MPZL2: variants seen among roughly 807,000 people sequenced by gnomAD.
The protein encoded by MPZL2 is myelin protein zero-like protein 2.
MPZL2 carries 32 observed loss-of-function variants against 24.5 expected under a neutral mutation model. The observed-to-expected ratio is 1.31, with a 90% CI of 0.99 to 1.76. The LOEUF is 1.76. Among genes scored for constraint, MPZL2 ranks in the 40% most tolerant of loss-of-function variants. MPZL2 has a pLI of 0.00. For synonymous variants in MPZL2, 92 were observed against 97.9 expected (o/e 0.94, Z 0.36); for missense variants, 304 against 274.9 (o/e 1.11, Z -0.75).
rs1949648829 is a variant in MPZL2, at chr11:118,254,257, TAGTTCTCAG to T, written c.*980_*988del. ...AAGAAAAAAAGTTAATAATTTCTTC[TAGTTCTCAG>T]AGTTTTATATAAAACTGTACAAAAT... On this transcript the variant is annotated 3_prime_UTR_variant, in exon 6 of 6. Transcript: ENST00000278937. 6.6e-6 allele frequency: 1 copy of T among 152,224 alleles called. No homozygotes were observed. 9.4% of individuals were successfully genotyped at this position (152,224 alleles called of 1,614,324 possible). A position where few individuals can be genotyped will look rare whatever the true frequency, so the allele number is the denominator to read the frequency against.
At chr11:118,257,351 C>T in intron 4 of MPZL2, 38 bp from the exon 5 acceptor site, 2 of 1,549,164 alleles carry the variant, frequency 1.3e-6, no homozygotes, top group East Asian at 2.3e-5. Flanking sequence ...GTGAACAAGA[C>T]AAGAAGCAAG....
intron 4 of MPZL2, 50 bp from the exon 5 acceptor site, chr11:118,257,363 G>T: frequency 6.8e-7 from 1 of 1,463,308 alleles, no homozygotes; most frequent in South Asian, 1.2e-5. Flanking sequence ...AGAAGCAAGT[G>T]GGTAAATCCC....
chr11:118,263,014 T>G lies in MPZL2; in HGVS notation c.142A>C (p.Thr48Pro), dbSNP rs1195202588. ...VNGTDARLKC[T>P]FSSFAPVGDA... The stretch of plus-strand genomic sequence containing the variant: ...CCCACAGGGGCAAAGCTGGAGAAAG[T>G]GCATTTTAACCGAGCATCTGTCCCA... Residue 48 changes from threonine to proline, a missense_variant, in exon 2 of 6, where the codon ACT becomes CCT. By Grantham distance (38) the Thr-to-Pro change is conservative. Transcript: ENST00000278937. The G allele has an allele frequency of 2.5e-6, 4 of 1,614,192 alleles. No individual in the cohort carries two copies. The highest frequency in any genetic ancestry group is 3.4e-6 in the Non-Finnish European group (4 of 1,180,012).
At position 118,254,710 on chromosome 11, in the gene MPZL2, G is replaced by C. The variant is rs910418426; in HGVS notation, c.*536C>G. The C allele has an allele frequency of 1.3e-5, 2 of 152,178 alleles. No individual in the cohort carries two copies. Among genetic ancestry groups the C allele is most frequent in the Non-Finnish European group, 2.9e-5 (2 of 68,028 alleles). The allele number at this position is 152,178 out of a possible 1,614,324, so 9.4% of individuals were successfully genotyped here. On this transcript the variant is annotated 3_prime_UTR_variant, in exon 6 of 6. Coordinates refer to ENST00000278937, the MANE Select transcript of MPZL2 (RefSeq NM_005797.4). ...AAACAAGATGTGTCTCATAGTTAAG[G>C]AGAGACATAAAAATAAAAATGTCAT... is the stretch of plus-strand genomic sequence containing the variant.
At chr11:118,258,827 C>A (rs1949679191) in intron 4 of MPZL2, among the ~76,000 whole-genome samples, 1 of 152,108 alleles carries the variant, frequency 6.6e-6, no homozygotes, top group Non-Finnish European at 1.5e-5. Context: ...TGCAAAATTC[C>A]TGCTCCCATT....
chr11:118,261,779 A>C (rs1455257432), intron 3 of MPZL2, among the ~76,000 whole-genome samples: 1 of 152,234 alleles, frequency 6.6e-6, no homozygotes, highest in African/African-American at 2.4e-5. Context: ...AATTTAGAGC[A>C]CAGTTTTAGA....
At chr11:118,258,505 G>T (rs553767754) in intron 4 of MPZL2, among the ~76,000 whole-genome samples, 1 of 152,178 alleles carries the variant, frequency 6.6e-6, no homozygotes, top group African/African-American at 2.4e-5. Context: ...TATACAAATG[G>T]ACAATAAGAA....
intron 3 of MPZL2, among the ~76,000 whole-genome samples, chr11:118,262,070 C>T (rs182856240): frequency 4.1e-4 from 63 of 152,304 alleles, no homozygotes; most frequent in African/African-American, 1.5e-3. Context: ...GCACTTTTGA[C>T]GGTGCCTAGC....
intron 4 of MPZL2, 196 bp downstream of exon 4, chr11:118,259,858 A>C (rs1949687360): frequency 7.1e-6 from 4 of 566,294 alleles, no homozygotes; most frequent in Non-Finnish European, 1.2e-5. Context: ...CCCATAAGGA[A>C]ATATTTTGTA....
chr11:118,253,910 C>T lies in MPZL2; in HGVS notation c.*1336G>A, dbSNP rs969921151. The stretch of plus-strand genomic sequence containing the variant: ...ATATCAAGGTCTATACATTTAAATA[C>T]AGATAATCTGTTTGAAAATTCCAGT... On this transcript the variant is annotated 3_prime_UTR_variant, in exon 6 of 6. Coordinates refer to ENST00000278937, the MANE Select transcript of MPZL2 (RefSeq NM_005797.4). 2 of 152,428 alleles carry T rather than the reference C, an allele frequency of 1.3e-5. No homozygotes were observed. Among genetic ancestry groups the T allele is most frequent in the African/African-American group, 2.4e-5 (1 of 41,388 alleles). 9.4% of individuals were successfully genotyped at this position (152,428 alleles called of 1,614,324 possible). A position where few individuals can be genotyped will look rare whatever the true frequency, so the allele number is the denominator to read the frequency against.
intron 1 of MPZL2, 101 bp from the exon 2 acceptor site, chr11:118,263,198 T>C (rs1949715973): frequency 7.9e-7 from 1 of 1,271,080 alleles, no homozygotes; most frequent in Non-Finnish European, 1.1e-6. Flanking sequence ...GGACTTAAAG[T>C]AAAGTGAAAC....
In MPZL2 at chr11:118,262,548, AG is replaced by A; in HGVS notation, c.325del (p.Leu109PhefsTer17). 1 of 1,614,220 alleles carries A rather than the reference AG, an allele frequency of 6.2e-7. No homozygotes were observed. Among genetic ancestry groups the A allele is most frequent in the Non-Finnish European group, 8.5e-7 (1 of 1,180,036 alleles). On this transcript the variant is annotated frameshift_variant, in exon 3 of 6. Coordinates refer to ENST00000278937, the MANE Select transcript of MPZL2 (RefSeq NM_005797.4). LOFTEE classifies it high-confidence loss of function. ...GNPERYDASI[L>X]LWKLQFDDNG... ...GTCGTCGAACTGCAGTTTCCAGAGA[AG>A]GATGGAGGCATCGTACCGCTCAGGA...
intron 5 of MPZL2, 166 bp downstream of exon 5, chr11:118,257,072 T>C (rs1949665238): frequency 9.0e-6 from 4 of 445,958 alleles, no homozygotes; most frequent in Non-Finnish European, 1.6e-5. Context: ...AAGGAGGAGC[T>C]ATCCATAAGA....
At chr11:118,255,671 C>CT (rs58532232) in intron 5 of MPZL2, among the ~76,000 whole-genome samples, 85,862 of 151,300 alleles carry the variant, frequency 0.57, 24,806 homozygotes, top group South Asian at 0.74. Context: ...GTTTTATTTG[C>CT]TTTTTTCCTA....
At chr11:118,256,376 C>T (rs551207557) in intron 5 of MPZL2, among the ~76,000 whole-genome samples, 3 of 152,088 alleles carry the variant, frequency 2.0e-5, no homozygotes, top group Non-Finnish European at 2.9e-5. Context: ...TAAATTGGCC[C>T]GGCGCAGTGG....
rs377454804 is a variant in MPZL2, at chr11:118,260,201, A to G, written c.437T>C (p.Val146Ala). The part of the protein sequence containing the change: ...GEIRLSVVHT[V>A]RFSEIHFLAL... Reference sequence around the variant, plus strand: ...CAGGAAGTGGATCTCAGAGAAGCGTACTGTAAGGAGAAAAAGATTAAATTA... The same window carrying G: ...CAGGAAGTGGATCTCAGAGAAGCGTGCTGTAAGGAGAAAAAGATTAAATTA... Residue 146 changes from valine to alanine, a missense_variant and splice_region_variant, in exon 4 of 6, where the codon GTA (valine) becomes GCA (alanine). Coordinates refer to ENST00000278937, the MANE Select transcript of MPZL2 (RefSeq NM_005797.4). The G allele has an allele frequency of 8.5e-5, 137 of 1,612,038 alleles. 2 individuals carry two copies. In the East Asian group the frequency reaches 2.0e-3, roughly 24 times the overall value.
chr11:118,264,190 G>A lies in MPZL2; in HGVS notation c.-37C>T, dbSNP rs750658681. 3.7e-6 allele frequency: 6 copies of A among 1,607,250 alleles called. No individual in the cohort carries two copies. The highest frequency in any genetic ancestry group is 1.3e-5 in the African/African-American group (1 of 74,868). The stretch of plus-strand genomic sequence containing the variant: ...AGCCTTGGCCCCAGAGACCGGACGG[G>A]GCAGACCGAGGGCTCCAACACCCTG... On this transcript the variant is annotated 5_prime_UTR_variant, in exon 1 of 6. Transcript: ENST00000278937.
rs565415054 is a variant in MPZL2, at chr11:118,263,086, T to C, written c.70A>G (p.Ile24Val). The change falls in exon 2 of 6, where the codon ATA becomes GTA. Residue 24 changes from isoleucine (I) to valine (V), a missense_variant. Ile to Val is a conservative substitution (Grantham distance 29). Transcript: ENST00000278937. ...LGIQLTALWP[I>V]AAVEIYTSRV... The stretch of plus-strand genomic sequence containing the variant: ...GAGGTATAAATTTCCACAGCTGCTA[T>C]AGGCCAAAGAGCTGCAATGAAAAAG... 1.9e-5 allele frequency: 31 copies of C among 1,613,892 alleles called. No homozygotes were observed. The South Asian group carries it at 2.7e-4, about 14-fold the overall frequency.
At position 118,254,959 on chromosome 11, in the gene MPZL2, C is replaced by T. The variant is rs896961824; in HGVS notation, c.*287G>A. The T allele has an allele frequency of 6.6e-6, 1 of 152,188 alleles. No individual in the cohort carries two copies. The highest frequency in any genetic ancestry group is 6.5e-5 in the Admixed American group (1 of 15,282). 9.4% of individuals were successfully genotyped at this position (152,188 alleles called of 1,614,324 possible). A position where few individuals can be genotyped will look rare whatever the true frequency, so the allele number is the denominator to read the frequency against. ...CAAGTCATAACACTGTAAGTAGTGT[C>T]TTAAGGGCAAAAATGTAGCTTCTTG... is the stretch of plus-strand genomic sequence containing the variant. On this transcript the variant is annotated 3_prime_UTR_variant, in exon 6 of 6. Transcript: ENST00000278937.
Sources: gnomAD v4.1 joint callset for allele counts (sites outside exome capture counted in the v4.1 genomes callset) on GRCh38, gnomAD v4.1.1 for gene constraint, MANE v1.5 for transcripts, NCBI Gene and HGNC (gene_info 2026-07-23, HGNC 2026-07-21) for gene names.